SYNE3: variants seen among roughly 807,000 people sequenced by gnomAD.
SYNE3 encodes spectrin repeat containing nuclear envelope family member 3, also known as nesprin-3.
Under a neutral mutation model 111.2 loss-of-function variants are expected in SYNE3, and 100 were observed. The ratio of observed to expected loss-of-function variants is 0.90; its 90% CI spans 0.77 to 1.06. The LOEUF (loss-of-function observed/expected upper bound fraction) is 1.06, where lower values mean the gene tolerates loss of function less well. Among genes scored for constraint, SYNE3 ranks in the 50% least tolerant of loss-of-function variants. SYNE3 has a pLI of 0.00. For synonymous variants in SYNE3, 547 were observed against 533.9 expected (o/e 1.02, Z -0.34); for missense variants, 1,160 against 1,240.3 (o/e 0.94, Z 0.97).
Position 95,446,034 on chromosome 14 carries a change from T to C in SYNE3, c.1507A>G (p.Lys503Glu), listed in dbSNP as rs1006847434. 6.2e-7 allele frequency: 1 copy of C among 1,614,148 alleles called. No homozygotes were observed. The change falls in exon 9 of 18, where the codon AAA becomes GAA. Residue 503 changes from lysine to glutamate, a missense_variant. Lys to Glu is a moderately conservative substitution (Grantham distance 56). Coordinates refer to ENST00000682763, the MANE Select transcript of SYNE3 (RefSeq NM_152592.6). ...KELLTMLQLK[K>E]DLLIGIFGQE... ...CCAAAGATGCCAATCAGGAGGTCTT[T>C]CTTCAGCTGCAGCATCGTCAGCAGC...
intron 4 of SYNE3, among the ~76,000 whole-genome samples, chr14:95,464,436 T>C (rs1055309315): frequency 1.3e-5 from 2 of 151,932 alleles, no homozygotes; most frequent in African/African-American, 4.8e-5. Context: ...CCGCCCCCAC[T>C]AGCCAAAGGG....
intron 1 of SYNE3, among the ~76,000 whole-genome samples, chr14:95,493,076 CCTT>C (rs1415962098): frequency 6.6e-6 from 1 of 152,078 alleles, no homozygotes; most frequent in Non-Finnish European, 1.5e-5. Context: ...TGGCTCACTG[CCTT>C]CTTCAGGCAG....
At chr14:95,495,451 C>T (rs1890048595) in intron 1 of SYNE3, among the ~76,000 whole-genome samples, 1 of 152,212 alleles carries the variant, frequency 6.6e-6, no homozygotes, top group Admixed American at 6.5e-5. Context: ...AAAGGAGACT[C>T]CTGTTGGTTG....
chr14:95,424,357 G>A (rs983987702), intron 17 of SYNE3, among the ~76,000 whole-genome samples: 2 of 151,564 alleles, frequency 1.3e-5, no homozygotes, highest in Non-Finnish European at 2.9e-5. Context: ...TTACCCATGA[G>A]ATAGTGTGCA....
In SYNE3 at chr14:95,407,887, TC is replaced by T. The variant is rs2059433443; in HGVS notation, c.*9938del. On this transcript the variant is annotated 3_prime_UTR_variant, in exon 18 of 18. Transcript: ENST00000682763. ...AGTATCAGGTTAGTGTAACCAGGTCTCCAGGTACAAAGGATGAAGTGGGTTT... is the reference window on the plus strand; with the variant it reads ...AGTATCAGGTTAGTGTAACCAGGTCTCAGGTACAAAGGATGAAGTGGGTTT... 1 of 152,154 alleles carries T rather than the reference TC, an allele frequency of 6.6e-6. No homozygotes were observed. The highest frequency in any genetic ancestry group is 2.1e-4 in the South Asian group (1 of 4,826). 9.4% of individuals were successfully genotyped at this position (152,154 alleles called of 1,614,324 possible).
rs1161593755 is a variant in SYNE3 at position 95,500,999 on chromosome 14, G to A, written c.-15+15597C>T. Among the ~76,000 whole-genome samples the A allele has an allele frequency of 6.6e-6, 1 of 152,172 alleles. No homozygotes were observed. Among genetic ancestry groups the A allele is most frequent in the Non-Finnish European group, 1.5e-5 (1 of 68,030 alleles). On this transcript the variant is annotated intron_variant, in intron 1 of 17. Coordinates refer to ENST00000682763, the MANE Select transcript of SYNE3 (RefSeq NM_152592.6). This position sits in a 1 kb window ranked among gnomAD's most constrained non-coding sequence, Gnocchi z 4.7. ...CTGGCTTTAATGAATTTCTCTAAAGGGACTGATGGTCCACACGCTTTGCAT... is the reference window on the plus strand; with the variant it reads ...CTGGCTTTAATGAATTTCTCTAAAGAGACTGATGGTCCACACGCTTTGCAT...
chr14:95,477,535 C>G (rs1888962038), intron 1 of SYNE3, among the ~76,000 whole-genome samples: 1 of 152,154 alleles, frequency 6.6e-6, no homozygotes, highest in Non-Finnish European at 1.5e-5. Flanking sequence ...TACTGGGAAG[C>G]TGGGCACCAT....
At chr14:95,432,857 C>T (rs868448695) in intron 16 of SYNE3, among the ~76,000 whole-genome samples, 2 of 152,040 alleles carry the variant, frequency 1.3e-5, no homozygotes, top group East Asian at 1.9e-4. Context: ...TGACCACCCA[C>T]GCGGCCTCGG....
intron 16 of SYNE3, among the ~76,000 whole-genome samples, chr14:95,432,431 C>T (rs927513752): frequency 2.7e-4 from 41 of 152,058 alleles, no homozygotes; most frequent in African/African-American, 9.7e-4. Flanking sequence ...AAGCCTGGGG[C>T]GCCCAGCTTG....
chr14:95,504,230 G>T (rs1890445652), intron 1 of SYNE3, among the ~76,000 whole-genome samples: 1 of 152,150 alleles, frequency 6.6e-6, no homozygotes, highest in Admixed American at 6.5e-5. Context: ...TTCTCGATAT[G>T]ATGGAGAGCC....
chr14:95,500,317 G>A lies in SYNE3; in HGVS notation c.-15+16279C>T, dbSNP rs912064531. The stretch of plus-strand genomic sequence containing the variant: ...CAGAACTTTGAGACGCCAGGTTTAC[G>A]ACGTGCCTGTGAGAAGCCGGGCATC... On this transcript the variant is annotated intron_variant, in intron 1 of 17. Transcript: ENST00000682763. This position sits in a 1 kb window ranked among gnomAD's most constrained non-coding sequence, Gnocchi z 4.7. Among the ~76,000 whole-genome samples the A allele has an allele frequency of 3.3e-5, 5 of 152,296 alleles. No individual in the cohort carries two copies. The highest frequency in any genetic ancestry group is 1.3e-4 in the Admixed American group (2 of 15,304).
intron 1 of SYNE3, among the ~76,000 whole-genome samples, chr14:95,514,562 G>T (rs1223549223): frequency 6.6e-6 from 1 of 152,228 alleles, no homozygotes; most frequent in Non-Finnish European, 1.5e-5. Flanking sequence ...ATGCTGATCA[G>T]GGCAAAGCTC....
intron 1 of SYNE3, among the ~76,000 whole-genome samples, chr14:95,514,306 T>C (rs1283696284): frequency 1.3e-5 from 2 of 152,128 alleles, no homozygotes; most frequent in African/African-American, 4.8e-5. Context: ...ATGGGCCACA[T>C]CAATGGGTCA....
intron 4 of SYNE3, 129 bp from the exon 5 acceptor site, chr14:95,457,467 T>G: frequency 1.0e-6 from 1 of 991,372 alleles, no homozygotes; most frequent in East Asian, 2.5e-5. Context: ...GCAACCAACC[T>G]CTAGCCCTTT....
chr14:95,497,989 C>A (rs1313917206), intron 1 of SYNE3, among the ~76,000 whole-genome samples: 1 of 150,842 alleles, frequency 6.6e-6, no homozygotes, highest in Non-Finnish European at 1.5e-5. Context: ...CGCCACTGCA[C>A]TCCCCTCCAG....
At chr14:95,490,656 G>C (rs1889805029) in intron 1 of SYNE3, among the ~76,000 whole-genome samples, 1 of 152,258 alleles carries the variant, frequency 6.6e-6, no homozygotes, top group South Asian at 2.1e-4. Context: ...AGAGCCAAAG[G>C]TGTAAGTCAA....
intron 15 of SYNE3, 120 bp downstream of exon 15, chr14:95,436,700 A>G (rs1289449162): frequency 9.0e-6 from 11 of 1,216,362 alleles, no homozygotes; most frequent in Non-Finnish European, 1.3e-5. Context: ...GATTATCTAT[A>G]CACAAGGGAG....
intron 13 of SYNE3, 108 bp from the exon 14 acceptor site, chr14:95,439,270 C>A: frequency 6.7e-6 from 10 of 1,488,118 alleles, no homozygotes; most frequent in Non-Finnish European, 9.2e-6. Context: ...TCAGTGCCCC[C>A]CACTGAAGTT....
At chr14:95,418,476 C>T (rs1884879805) in intron 17 of SYNE3, among the ~76,000 whole-genome samples, 1 of 152,182 alleles carries the variant, frequency 6.6e-6, no homozygotes, top group South Asian at 2.1e-4. Context: ...AGTATGCATC[C>T]TTAATATTTC....
Sources: allele counts gnomAD v4.1 joint callset (sites outside exome capture counted in the v4.1 genomes callset), GRCh38; gene constraint gnomAD v4.1.1; non-coding constraint Gnocchi (gnomAD v3.1); transcripts MANE v1.5; gene names NCBI Gene and HGNC (gene_info 2026-07-23, HGNC 2026-07-21).